The following ADK variants were observed in gnomAD, a reference collection of about 807,000 sequenced individuals.
ADK encodes N6,N6-dimethyladenosine kinase.
ADK carries 24 observed loss-of-function variants against 44.7 expected under a neutral mutation model. The observed-to-expected ratio is 0.54, with a 90% CI of 0.39 to 0.76. The LOEUF is 0.76. ADK is among the 30% of genes least tolerant of loss of function. ADK has a pLI of 0.00. For synonymous variants in ADK, 128 were observed against 142.6 expected, an observed-to-expected ratio of 0.90 and a Z score of 0.73; for missense variants, 321 against 425.1, an observed-to-expected ratio of 0.76 and a Z score of 2.15.
chr10:74,705,462 ATG>A (rs376628029), intron 10 of ADK, among the ~76,000 whole-genome samples: 1 of 51,462 alleles, frequency 1.9e-5, no homozygotes, highest in African/African-American at 4.5e-5. Flanking sequence ...CTTTGGACAT[ATG>A]TGTACACCCA....
At chr10:74,698,478 AG>A (rs1163505938) in intron 10 of ADK, among the ~76,000 whole-genome samples, 1 of 152,228 alleles carries the variant, frequency 6.6e-6, no homozygotes, top group Admixed American at 6.5e-5. Flanking sequence ...ATACATTCAA[AG>A]TCAGTTATTT....
intron 4 of ADK, among the ~76,000 whole-genome samples, chr10:74,338,122 A>ACAG (rs1180311423): frequency 6.6e-6 from 1 of 151,868 alleles, no homozygotes; most frequent in East Asian, 1.9e-4. Flanking sequence ...GATAACAACA[A>ACAG]CAACAACAAC....
chr10:74,169,332 G>T (rs1156785046), intron 1 of ADK, among the ~76,000 whole-genome samples: 1 of 152,160 alleles, frequency 6.6e-6, no homozygotes, highest in Non-Finnish European at 1.5e-5. Flanking sequence ...TCCCTTTTCT[G>T]TTGTGAAATG....
intron 1 of ADK, among the ~76,000 whole-genome samples, chr10:74,179,589 T>C (rs1197129255): frequency 3.3e-5 from 5 of 152,158 alleles, no homozygotes; most frequent in African/African-American, 1.2e-4. Flanking sequence ...ACCAGTGCCA[T>C]TGACAGTTTA....
At chr10:74,469,738 C>G (rs1418316617) in intron 6 of ADK, among the ~76,000 whole-genome samples, 2 of 152,190 alleles carry the variant, frequency 1.3e-5, no homozygotes, top group South Asian at 2.1e-4. Flanking sequence ...ATTTCTTGTA[C>G]AAACACCTTG....
intron 3 of ADK, among the ~76,000 whole-genome samples, chr10:74,288,067 A>G (rs943148507): frequency 6.6e-6 from 1 of 151,658 alleles, no homozygotes; most frequent in African/African-American, 2.4e-5. Flanking sequence ...ATGTGTCTTT[A>G]TATACAGAAA....
chr10:74,479,285 G>T (rs1173904354), intron 6 of ADK, among the ~76,000 whole-genome samples: 1 of 151,982 alleles, frequency 6.6e-6, no homozygotes, highest in Non-Finnish European at 1.5e-5. Flanking sequence ...ATGACCCATC[G>T]TGCCCAGCCT....
At chr10:74,473,871 C>T (rs1846707253) in intron 6 of ADK, among the ~76,000 whole-genome samples, 1 of 151,998 alleles carries the variant, frequency 6.6e-6, no homozygotes, top group Admixed American at 6.6e-5. Context: ...TTAGAAACCT[C>T]ATAGAGGAAG....
At position 74,469,443 on chromosome 10, in the gene ADK, C is replaced by T. The variant is rs868005896; in HGVS notation, c.556-55813C>T. On this transcript the variant is annotated intron_variant, in intron 6 of 10. Coordinates refer to ENST00000539909, the MANE Select transcript of ADK (RefSeq NM_006721.4). ...TAGTGCATAGCATAGCTCACTGTAA[C>T]CTTGAACTCCTGGGGCTCGAGTGAT... Among the ~76,000 whole-genome samples the T allele has an allele frequency of 3.9e-5, 6 of 152,102 alleles. No individual in the cohort carries two copies. In the East Asian group the frequency reaches 5.8e-4, roughly 15 times the overall value.
At chr10:74,506,218 T>C (rs1468737200) in intron 6 of ADK, 1 of 159,260 alleles carries the variant, frequency 6.3e-6, no homozygotes, top group Non-Finnish European at 1.4e-5. Context: ...ATGCCTGCTG[T>C]CGTAGCTGCA....
At chr10:74,561,835 C>A (rs892256563) in intron 7 of ADK, among the ~76,000 whole-genome samples, 3 of 152,156 alleles carry the variant, frequency 2.0e-5, no homozygotes, top group Non-Finnish European at 2.9e-5. Context: ...GTTTAGAGTC[C>A]CTCAGCTCAG....
At chr10:74,379,056 G>A (rs1842901905) in intron 4 of ADK, among the ~76,000 whole-genome samples, 1 of 152,168 alleles carries the variant, frequency 6.6e-6, no homozygotes, top group South Asian at 2.1e-4. Flanking sequence ...GTAAAGGGAA[G>A]TGGCTTGAAC....
At chr10:74,529,825 A>G (rs777642262) in intron 7 of ADK, among the ~76,000 whole-genome samples, 19 of 152,212 alleles carry the variant, frequency 1.2e-4, no homozygotes, top group Non-Finnish European at 2.1e-4. Flanking sequence ...TACGTGGACT[A>G]TAGAATAATA....
rs1228553925 is a variant in ADK, at chr10:74,639,783, C to CCGAGATCT, written c.878-30397_878-30390dup. Reference sequence around the variant, plus strand: ...CCCAGGAGGCAGAGGTTGCGGTGAGCCGAGATCTCGCTACTGCACTCCAGC... The same window carrying CCGAGATCT: ...CCCAGGAGGCAGAGGTTGCGGTGAGCCGAGATCTCGAGATCTCGCTACTGCACTCCAGC... On this transcript the variant is annotated intron_variant, in intron 9 of 10. Coordinates refer to ENST00000539909, the MANE Select transcript of ADK (RefSeq NM_006721.4). 4.6e-5 allele frequency among the ~76,000 whole-genome samples: 7 copies of CCGAGATCT among 152,216 alleles called. No homozygotes were observed. The South Asian group carries it at 1.5e-3, about 32-fold the overall frequency.
intron 3 of ADK, among the ~76,000 whole-genome samples, chr10:74,289,529 A>G (rs1409858587): frequency 2.0e-5 from 3 of 152,180 alleles, no homozygotes; most frequent in Non-Finnish European, 2.9e-5. Context: ...AAAAAGTAGC[A>G]TGTTTCTTTC....
chr10:74,649,408 T>C (rs1854175618), intron 9 of ADK, among the ~76,000 whole-genome samples: 1 of 152,064 alleles, frequency 6.6e-6, no homozygotes, highest in Non-Finnish European at 1.5e-5. Context: ...GGAGGATCAC[T>C]TGGGCCCAGG....
At chr10:74,235,570 T>C (rs929605075) in intron 3 of ADK, among the ~76,000 whole-genome samples, 1 of 152,114 alleles carries the variant, frequency 6.6e-6, no homozygotes, top group Non-Finnish European at 1.5e-5. Context: ...TCCCAAAGTG[T>C]TAGGATTACG....
chr10:74,152,206 C>G (rs1841616312), intron 1 of ADK, among the ~76,000 whole-genome samples: 1 of 152,128 alleles, frequency 6.6e-6, no homozygotes, highest in Non-Finnish European at 1.5e-5. Flanking sequence ...CTCTTCTTCA[C>G]CTCCAAAGGA....
intron 3 of ADK, among the ~76,000 whole-genome samples, chr10:74,313,737 T>G (rs1840525131): frequency 6.6e-6 from 1 of 151,936 alleles, no homozygotes; most frequent in Non-Finnish European, 1.5e-5. Context: ...TCTCTTACTC[T>G]TCATAATCTC....
Sources: allele counts gnomAD v4.1 joint callset (sites outside exome capture counted in the v4.1 genomes callset), GRCh38; gene constraint gnomAD v4.1.1; transcripts MANE v1.5; gene names NCBI Gene and HGNC (gene_info 2026-07-23, HGNC 2026-07-21).